The following CCDC138 variants were observed in gnomAD, a reference collection of about 807,000 sequenced individuals.
CCDC138 encodes the protein coiled-coil domain-containing protein 138.
A neutral mutation model predicts 82.3 loss-of-function variants in CCDC138; 66 were observed. The observed-to-expected ratio is 0.80, with a 90% CI of 0.66 to 0.98. The LOEUF (loss-of-function observed/expected upper bound fraction) is 0.98, where lower values mean the gene tolerates loss of function less well. Among genes scored for constraint, CCDC138 ranks in the 50% least tolerant of loss-of-function variants. The pLI, the probability that CCDC138 is intolerant of heterozygous loss-of-function variation, is 0.00. For synonymous variants in CCDC138, 297 were observed against 265.4 expected, an observed-to-expected ratio of 1.12 and a Z score of -1.16; for missense variants, 816 against 758.9, an observed-to-expected ratio of 1.08 and a Z score of -0.88.
chr2:108,824,726 T>G (rs1686274361), intron 10 of CCDC138, among the ~76,000 whole-genome samples: 1 of 152,206 alleles, frequency 6.6e-6, no homozygotes, highest in African/African-American at 2.4e-5. Context: ...ACATAACAAA[T>G]GTATGTGTTA....
intron 10 of CCDC138, among the ~76,000 whole-genome samples, chr2:108,824,237 T>C (rs1686197263): frequency 1.3e-5 from 2 of 152,334 alleles, no homozygotes; most frequent in South Asian, 4.1e-4. Context: ...CTTTTTAGTT[T>C]TTTTAACTTT....
Position 108,814,673 on chromosome 2 carries a change from AT to A in CCDC138, c.1042-1255del, listed in dbSNP as rs530640424. Among the ~76,000 whole-genome samples, 109 of 141,780 alleles carry A rather than the reference AT, an allele frequency of 7.7e-4. 1 individual carries two copies. Among genetic ancestry groups the A allele is most frequent in the East Asian group, 4.2e-3 (21 of 4,974 alleles). The allele number at this position is 141,780 out of a possible 152,430, so 93.0% of individuals were successfully genotyped here. A position where few individuals can be genotyped will look rare whatever the true frequency, so the allele number is the denominator to read the frequency against. ...ATTTTTTAATTTATTAATATTTTTA[AT>A]TTTTTTTTTTTTGAGATGGGGTCTC... On this transcript the variant is annotated intron_variant, in intron 9 of 14. Coordinates refer to ENST00000295124, the MANE Select transcript of CCDC138 (RefSeq NM_144978.3).
intron 10 of CCDC138, among the ~76,000 whole-genome samples, chr2:108,818,376 ATAT>A (rs984023553): frequency 2.0e-5 from 3 of 152,186 alleles, no homozygotes; most frequent in Non-Finnish European, 2.9e-5. Flanking sequence ...CAAGAGAATA[ATAT>A]TTAGCACGTG....
At chr2:108,817,019 A>G (rs988059301) in intron 10 of CCDC138, among the ~76,000 whole-genome samples, 2 of 152,256 alleles carry the variant, frequency 1.3e-5, no homozygotes, top group Admixed American at 1.3e-4. Context: ...TAAAGGCCCC[A>G]CTTATCAATA....
At chr2:108,858,589 G>C (rs992276726) in intron 13 of CCDC138, among the ~76,000 whole-genome samples, 1 of 152,150 alleles carries the variant, frequency 6.6e-6, no homozygotes, top group African/African-American at 2.4e-5. Flanking sequence ...AGCGAGGAAA[G>C]ATTGATCAAA....
At chr2:108,869,639 G>A (rs1232060275) in intron 13 of CCDC138, among the ~76,000 whole-genome samples, 1 of 152,040 alleles carries the variant, frequency 6.6e-6, no homozygotes. Context: ...AAGAAGCTTG[G>A]GTGAGATTCT....
intron 10 of CCDC138, among the ~76,000 whole-genome samples, chr2:108,823,182 G>T (rs937902620): frequency 6.6e-6 from 1 of 152,092 alleles, no homozygotes; most frequent in African/African-American, 2.4e-5. Context: ...AAAAGCCAGA[G>T]AGCTTCACTT....
At chr2:108,803,032 G>C (rs1246929430) in intron 6 of CCDC138, among the ~76,000 whole-genome samples, 1 of 152,206 alleles carries the variant, frequency 6.6e-6, no homozygotes, top group African/African-American at 2.4e-5. Flanking sequence ...TCTTGTGCCT[G>C]TGCCTCTTAA....
chr2:108,851,513 G>A (rs1481068767), intron 12 of CCDC138, among the ~76,000 whole-genome samples: 8 of 152,106 alleles, frequency 5.3e-5, no homozygotes, highest in African/African-American at 1.9e-4. Context: ...CATTGGCCAG[G>A]CTGGTGTTGA....
intron 14 of CCDC138, 137 bp downstream of exon 14, chr2:108,873,726 G>A (rs892309927): frequency 6.5e-5 from 37 of 568,520 alleles, no homozygotes; most frequent in African/African-American, 4.9e-4. Context: ...CATAAAATAC[G>A]CTAACACTAA....
intron 11 of CCDC138, 95 bp downstream of exon 11, chr2:108,839,396 G>A: frequency 9.6e-7 from 1 of 1,044,404 alleles, no homozygotes; most frequent in Non-Finnish European, 1.4e-6. Flanking sequence ...TATATTCTCT[G>A]TATTTCAGAA....
intron 13 of CCDC138, among the ~76,000 whole-genome samples, chr2:108,858,152 T>C (rs1022764298): frequency 2.0e-5 from 3 of 152,320 alleles, no homozygotes; most frequent in East Asian, 1.9e-4. Context: ...AAGGCCAGCC[T>C]GGCCAACACG....
intron 10 of CCDC138, among the ~76,000 whole-genome samples, chr2:108,835,313 T>A (rs1688390412): frequency 1.3e-5 from 2 of 152,200 alleles, no homozygotes; most frequent in Admixed American, 6.5e-5. Context: ...AATGATTGAG[T>A]GCTGTTCTTA....
chr2:108,790,780 C>T (rs912219794), intron 3 of CCDC138, among the ~76,000 whole-genome samples: 4 of 152,010 alleles, frequency 2.6e-5, no homozygotes, highest in South Asian at 4.2e-4. Flanking sequence ...TTGCAGGGGG[C>T]GAGCCTGTTG....
At chr2:108,835,714 A>G (rs1574141323) in intron 10 of CCDC138, among the ~76,000 whole-genome samples, 1 of 152,226 alleles carries the variant, frequency 6.6e-6, no homozygotes, top group East Asian at 1.9e-4. Context: ...GTATATTCAC[A>G]TTGTCCTTCA....
At position 108,804,780 on chromosome 2, in the gene CCDC138, G is replaced by C. The variant is rs1682553314; in HGVS notation, c.736-109G>C. 5 of 1,083,678 alleles carry C rather than the reference G, an allele frequency of 4.6e-6. No homozygotes were observed. In the Middle Eastern group the frequency reaches 7.7e-4, roughly 167 times the overall value. 67.1% of individuals were successfully genotyped at this position (1,083,678 alleles called of 1,614,324 possible). On this transcript the variant is annotated intron_variant, in intron 6 of 14. Coordinates refer to ENST00000295124, the MANE Select transcript of CCDC138 (RefSeq NM_144978.3). The stretch of plus-strand genomic sequence containing the variant: ...CTTGTGCTTGCATACACTGATTAAA[G>C]TTTTTGTGATTGAAGGAGTTCTTAC...
chr2:108,822,202 A>G (rs960671212), intron 10 of CCDC138, among the ~76,000 whole-genome samples: 1 of 152,216 alleles, frequency 6.6e-6, no homozygotes, highest in East Asian at 1.9e-4. Flanking sequence ...AAAAACTGTT[A>G]CAAGAGACAA....
intron 9 of CCDC138, among the ~76,000 whole-genome samples, chr2:108,814,419 C>T (rs12151574): frequency 0.8 from 121,728 of 151,952 alleles, 49,029 homozygotes; most frequent in East Asian, 0.95. Context: ...AAGGTACAGA[C>T]TTTATATTCA....
At chr2:108,846,996 A>G in intron 12 of CCDC138, 66 bp downstream of exon 12, 2 of 868,818 alleles carry the variant, frequency 2.3e-6, no homozygotes, top group Non-Finnish European at 3.7e-6. Flanking sequence ...TATTAAAGCA[A>G]TTCTTTTATC....
Sources: allele counts gnomAD v4.1 joint callset (sites outside exome capture counted in the v4.1 genomes callset), GRCh38; gene constraint gnomAD v4.1.1; transcripts MANE v1.5; gene names NCBI Gene and HGNC (gene_info 2026-07-23, HGNC 2026-07-21).